Variants in CTNNBIP1 observed in about 807,000 individuals in gnomAD.
CTNNBIP1 encodes catenin beta interacting protein 1, also known as beta-catenin-interacting protein 1.
A neutral mutation model predicts 11.8 loss-of-function variants in CTNNBIP1; 7 were observed. That is an observed-to-expected ratio of 0.60 (90% CI 0.34 to 1.12). The LOEUF (loss-of-function observed/expected upper bound fraction) is 1.12, where lower values mean the gene tolerates loss of function less well. Among genes scored for constraint, CTNNBIP1 ranks in the 50% most tolerant of loss-of-function variants. The pLI is 0.03. For synonymous variants in CTNNBIP1, 58 were observed against 43.9 expected (o/e 1.32, Z -1.26); for missense variants, 101 against 113.4 (o/e 0.89, Z 0.50).
intron 1 of CTNNBIP1, among the ~76,000 whole-genome samples, chr1:9,886,912 C>T (rs1040222651): frequency 3.3e-5 from 5 of 152,128 alleles, no homozygotes; most frequent in Admixed American, 6.6e-5. Context: ...CAGGAGCAAC[C>T]GCCTTAATTA....
intron 1 of CTNNBIP1, among the ~76,000 whole-genome samples, chr1:9,892,420 TA>T (rs764342054): frequency 0.016 from 1,778 of 112,290 alleles, 27 homozygotes; most frequent in African/African-American, 0.042. Flanking sequence ...AGACTCCGTC[TA>T]AAAAAAAAAA....
At chr1:9,858,257 A>G (rs947856448) in intron 5 of CTNNBIP1, among the ~76,000 whole-genome samples, 4 of 151,864 alleles carry the variant, frequency 2.6e-5, no homozygotes, top group Non-Finnish European at 5.9e-5. Flanking sequence ...TGCCAGGGGG[A>G]AGTTGTTAGA....
chr1:9,888,979 C>A (rs1639243037), intron 1 of CTNNBIP1, among the ~76,000 whole-genome samples: 1 of 152,196 alleles, frequency 6.6e-6, no homozygotes, highest in Admixed American at 6.5e-5. Context: ...CTACCTACTG[C>A]AGGAAAGGTA....
intron 1 of CTNNBIP1, among the ~76,000 whole-genome samples, chr1:9,904,507 T>C (rs1639581563): frequency 6.6e-6 from 1 of 152,126 alleles, no homozygotes; most frequent in African/African-American, 2.4e-5. Context: ...GCTTTCTAGA[T>C]ACCACTGTGT....
At chr1:9,864,131 G>A (rs1016356253) in intron 5 of CTNNBIP1, among the ~76,000 whole-genome samples, 1 of 152,166 alleles carries the variant, frequency 6.6e-6, no homozygotes, top group African/African-American at 2.4e-5. Flanking sequence ...GTGTCTTGGA[G>A]AAAGAGTGTG....
chr1:9,858,642 C>T (rs79064763), intron 5 of CTNNBIP1, among the ~76,000 whole-genome samples: 1 of 152,234 alleles, frequency 6.6e-6, no homozygotes, highest in Non-Finnish European at 1.5e-5. Context: ...ATGAGGTCTT[C>T]AGCACCCTCA....
intron 1 of CTNNBIP1, among the ~76,000 whole-genome samples, chr1:9,905,619 A>G (rs1418990088): frequency 6.7e-6 from 1 of 149,074 alleles, no homozygotes; most frequent in Non-Finnish European, 1.5e-5. Context: ...TTTAGTAGAG[A>G]CGGGGTTTCA....
intron 3 of CTNNBIP1, among the ~76,000 whole-genome samples, chr1:9,877,605 CATG>C (rs1638998393): frequency 2.6e-5 from 4 of 152,318 alleles, no homozygotes; most frequent in African/African-American, 9.6e-5. Context: ...TTTACACTTT[CATG>C]ATGTTTACAT....
At position 9,850,188 on chromosome 1, in the gene CTNNBIP1, A is replaced by C. The variant is rs1365459599; in HGVS notation, c.*530T>G. 1 of 152,742 alleles carries C rather than the reference A, an allele frequency of 6.5e-6. No homozygotes were observed. The highest frequency in any genetic ancestry group is 6.5e-5 in the Admixed American group (1 of 15,300). The allele number at this position is 152,742 out of a possible 1,614,324, so 9.5% of individuals were successfully genotyped here. On this transcript the variant is annotated 3_prime_UTR_variant, in exon 6 of 6. Coordinates refer to ENST00000377263, the MANE Select transcript of CTNNBIP1 (RefSeq NM_020248.3). ...CTTTCTTTTCAAGTCAAATATAACG[A>C]CTAATGTCCCAGACCCTGTTTTCTG...
chr1:9,894,928 G>A (rs1405743589), intron 1 of CTNNBIP1, among the ~76,000 whole-genome samples: 1 of 77,336 alleles, frequency 1.3e-5, no homozygotes, highest in African/African-American at 1.2e-4. Flanking sequence ...TTTTTTTTGA[G>A]ACAGAGTCTC....
intron 5 of CTNNBIP1, among the ~76,000 whole-genome samples, chr1:9,865,559 G>A (rs998870519): frequency 5.3e-5 from 8 of 151,906 alleles, no homozygotes; most frequent in Non-Finnish European, 1.0e-4. Flanking sequence ...AGCCGAGACC[G>A]CACCATTGCA....
In CTNNBIP1 at chr1:9,851,737, G is replaced by T. The variant is rs1362670781; in HGVS notation, c.188-961C>A. 2.0e-5 allele frequency among the ~76,000 whole-genome samples: 3 copies of T among 152,198 alleles called. No individual in the cohort carries two copies. The East Asian group carries it at 5.8e-4, about 29-fold the overall frequency. ...AGGCACTTGTGAAATCACGTCCTTT[G>T]TCTTGTTTTCCAGAGGACAGGCTCT... On this transcript the variant is annotated intron_variant, in intron 5 of 5. Transcript: ENST00000377263. The surrounding 1 kb of genome is among the most constrained non-coding windows in gnomAD (Gnocchi z 4.8).
intron 2 of CTNNBIP1, among the ~76,000 whole-genome samples, chr1:9,882,171 C>T (rs1639096812): frequency 6.6e-6 from 1 of 152,144 alleles, no homozygotes; most frequent in African/African-American, 2.4e-5. Context: ...GTCACTGGAG[C>T]TGGGCCTTGA....
intron 1 of CTNNBIP1, among the ~76,000 whole-genome samples, chr1:9,891,613 C>A (rs566686732): frequency 4.4e-4 from 67 of 152,052 alleles, no homozygotes; most frequent in Non-Finnish European, 8.2e-4. Flanking sequence ...CCAGGTGCAG[C>A]CTCCTGGGGA....
intron 5 of CTNNBIP1, among the ~76,000 whole-genome samples, chr1:9,865,648 T>C (rs1638729319): frequency 1.3e-5 from 2 of 151,670 alleles, no homozygotes; most frequent in South Asian, 2.1e-4. Flanking sequence ...AAAAAACAGG[T>C]ATTAAAATGT....
Position 9,889,159 on chromosome 1 carries a change from G to C in CTNNBIP1, c.-143-5421C>G, listed in dbSNP as rs557450064. Among the ~76,000 whole-genome samples the C allele has an allele frequency of 3.3e-5, 5 of 152,270 alleles. No homozygotes were observed. The South Asian group carries it at 1.0e-3, about 32-fold the overall frequency. ...ACCTGCCTGGAGACAGCTTCCCCAG[G>C]ACCTGCACGCTGGACAGGAAGCAAA... On this transcript the variant is annotated intron_variant, in intron 1 of 5. Transcript: ENST00000377263.
At chr1:9,890,109 T>C (rs183983542) in intron 1 of CTNNBIP1, among the ~76,000 whole-genome samples, 172 of 152,320 alleles carry the variant, frequency 1.1e-3, no homozygotes, top group African/African-American at 3.8e-3. Context: ...TTTAAAATAT[T>C]TATCCTTGTG....
intron 5 of CTNNBIP1, among the ~76,000 whole-genome samples, chr1:9,866,698 C>A (rs946167889): frequency 1.3e-5 from 2 of 149,032 alleles, no homozygotes; most frequent in South Asian, 4.2e-4. Flanking sequence ...AAAAAAAAGT[C>A]GAGTAGAGAC....
intron 1 of CTNNBIP1, among the ~76,000 whole-genome samples, chr1:9,888,641 G>A (rs1639236492): frequency 6.6e-6 from 1 of 152,146 alleles, no homozygotes; most frequent in Non-Finnish European, 1.5e-5. Context: ...TCGCATCCCA[G>A]ACCACCCCAT....
Sources: gnomAD v4.1 joint callset for allele counts (sites outside exome capture counted in the v4.1 genomes callset) on GRCh38, gnomAD v4.1.1 for gene constraint, Gnocchi (gnomAD v3.1) non-coding constraint, MANE v1.5 for transcripts, NCBI Gene and HGNC (gene_info 2026-07-23, HGNC 2026-07-21) for gene names.